Variants in SUSD6 observed in about 807,000 individuals in gnomAD.
SUSD6 encodes the protein sushi domain-containing protein 6.
Under a neutral mutation model 28.4 loss-of-function variants are expected in SUSD6, and 16 were observed. The observed-to-expected ratio is 0.56, with a 90% CI of 0.38 to 0.86. The LOEUF is 0.86. Ranked by LOEUF, SUSD6 falls within the 40% of genes least tolerant of loss-of-function variation. SUSD6 has a pLI of 0.00. For missense variants in SUSD6, 341 were observed against 384.2 expected (o/e 0.89, Z 0.94); for synonymous variants, 147 against 159.6 (o/e 0.92, Z 0.59).
chr14:69,714,161 C>T lies in SUSD6; in HGVS notation c.*3182C>T, dbSNP rs113304046. The T allele has an allele frequency of 8.6e-4, 131 of 152,260 alleles. No homozygotes were observed. The highest frequency in any genetic ancestry group is 3.0e-3 in the African/African-American group (125 of 41,540). The allele number at this position is 152,260 out of a possible 1,614,324, so 9.4% of individuals were successfully genotyped here. ...ACTCCATTTGCAAACAGATCTTAAG[C>T]TAATATTTTCTTTCCCATTCATCTT... On this transcript the variant is annotated 3_prime_UTR_variant, in exon 6 of 6. Coordinates refer to ENST00000342745, the MANE Select transcript of SUSD6 (RefSeq NM_014734.4).
chr14:69,673,744 C>G (rs911667263), intron 2 of SUSD6, among the ~76,000 whole-genome samples: 1 of 151,828 alleles, frequency 6.6e-6, no homozygotes, highest in African/African-American at 2.4e-5. Flanking sequence ...TTTCGGATGC[C>G]TTTCCTCAGT....
chr14:69,704,817 G>A (rs1886364824), intron 4 of SUSD6, 75 bp downstream of exon 4: 2 of 1,518,874 alleles, frequency 1.3e-6, no homozygotes, highest in Admixed American at 1.8e-5. Flanking sequence ...TTGGTGGAGG[G>A]TTGCTGGTGG....
At chr14:69,657,172 G>A (rs1885595680) in intron 1 of SUSD6, among the ~76,000 whole-genome samples, 1 of 152,120 alleles carries the variant, frequency 6.6e-6, no homozygotes, top group Non-Finnish European at 1.5e-5. Context: ...AATCAGATTT[G>A]GTACCAGGTG....
rs571964347 is a variant in SUSD6, at chr14:69,710,393, C to A, written c.887-561C>A. On this transcript the variant is annotated intron_variant, in intron 5 of 5. Transcript: ENST00000342745. ...TTGGGAAGATGGTGGGGCCTATACT[C>A]AAGAAATAATAGAACCAGGAATTGT... Among the ~76,000 whole-genome samples the A allele has an allele frequency of 2.0e-5, 3 of 152,116 alleles. No individual in the cohort carries two copies. In the East Asian group the frequency reaches 5.8e-4, roughly 29 times the overall value.
chr14:69,669,226 G>C (rs568364347), intron 2 of SUSD6, among the ~76,000 whole-genome samples: 1 of 151,860 alleles, frequency 6.6e-6, no homozygotes, highest in Admixed American at 6.6e-5. Context: ...ACCATGCCTG[G>C]CTAATTTTTG....
chr14:69,672,902 T>C (rs116828350), intron 2 of SUSD6, among the ~76,000 whole-genome samples: 438 of 152,354 alleles, frequency 2.9e-3, no homozygotes, highest in African/African-American at 0.01. Context: ...GGTCCTGTTT[T>C]GTTCACAGTA....
At chr14:69,688,777 A>G (rs1886111996) in intron 2 of SUSD6, among the ~76,000 whole-genome samples, 1 of 152,190 alleles carries the variant, frequency 6.6e-6, no homozygotes, top group South Asian at 2.1e-4. Flanking sequence ...TTATATGGGC[A>G]GCTTCTTCAG....
intron 1 of SUSD6, among the ~76,000 whole-genome samples, chr14:69,652,592 A>T (rs900565343): frequency 2.0e-5 from 3 of 152,178 alleles, no homozygotes; most frequent in Admixed American, 6.5e-5. Flanking sequence ...ATAGTGTTTG[A>T]TAGTGTGAGA....
chr14:69,680,616 C>CT (rs1291298061), intron 2 of SUSD6, among the ~76,000 whole-genome samples: 2 of 152,180 alleles, frequency 1.3e-5, no homozygotes. Flanking sequence ...CTCATCTGTA[C>CT]TTTCAGCTTT....
chr14:69,658,776 A>G, intron 2 of SUSD6, 63 bp downstream of exon 2: 7 of 1,608,836 alleles, frequency 4.4e-6, no homozygotes, highest in Non-Finnish European at 5.1e-6. Flanking sequence ...GTTTCTCTCG[A>G]AGACTAGGAC....
chr14:69,615,865 G>A (rs1021401276), intron 1 of SUSD6: 2 of 152,174 alleles, frequency 1.3e-5, no homozygotes, highest in African/African-American at 4.8e-5. Flanking sequence ...AATTCACACA[G>A]TACTCCTGAA....
intron 2 of SUSD6, among the ~76,000 whole-genome samples, chr14:69,659,734 G>T (rs1885635518): frequency 1.3e-5 from 2 of 152,156 alleles, no homozygotes; most frequent in Non-Finnish European, 2.9e-5. Flanking sequence ...GGCCAGGCTG[G>T]TCTTGAATTC....
At chr14:69,658,774 C>T (rs1158330137) in intron 2 of SUSD6, 61 bp downstream of exon 2, 12 of 1,608,294 alleles carry the variant, frequency 7.5e-6, no homozygotes, top group East Asian at 2.2e-5. Flanking sequence ...TTGTTTCTCT[C>T]GAAGACTAGG....
intron 2 of SUSD6, among the ~76,000 whole-genome samples, chr14:69,671,981 AT>A (rs1258458929): frequency 6.6e-6 from 1 of 152,200 alleles, no homozygotes; most frequent in Non-Finnish European, 1.5e-5. Flanking sequence ...GTGAGATAAT[AT>A]ATGTAAAAGT....
At chr14:69,647,847 T>C (rs1380566871) in intron 1 of SUSD6, among the ~76,000 whole-genome samples, 2 of 152,070 alleles carry the variant, frequency 1.3e-5, no homozygotes, top group Non-Finnish European at 2.9e-5. Context: ...TAGTCGGGCT[T>C]GGTGGCGCAC....
chr14:69,644,179 AATG>A (rs1885393341), intron 1 of SUSD6, among the ~76,000 whole-genome samples: 1 of 152,172 alleles, frequency 6.6e-6, no homozygotes. Context: ...GTAGGTGCCC[AATG>A]TATGTGTTGA....
chr14:69,628,747 G>T (rs1885152227), intron 1 of SUSD6, among the ~76,000 whole-genome samples: 1 of 145,084 alleles, frequency 6.9e-6, no homozygotes, highest in Admixed American at 7.0e-5. Flanking sequence ...TTGAGACAGG[G>T]TATCACTCTG....
intron 1 of SUSD6, among the ~76,000 whole-genome samples, chr14:69,648,776 A>C (rs564804872): frequency 6.6e-6 from 1 of 152,198 alleles, no homozygotes; most frequent in Non-Finnish European, 1.5e-5. Flanking sequence ...CGGAATACCA[A>C]AATTTAGCTC....
Position 69,674,412 on chromosome 14 carries a change from C to T in SUSD6, c.121+15699C>T, listed in dbSNP as rs116426368. On this transcript the variant is annotated intron_variant, in intron 2 of 5. Coordinates refer to ENST00000342745, the MANE Select transcript of SUSD6 (RefSeq NM_014734.4). ...TTCCTTTGCCCTCCTCGCTTCCATC[C>T]TTCCTTCCCTGCTTCCTTTGTACTC... Among the ~76,000 whole-genome samples, 834 of 152,282 alleles carry T rather than the reference C, an allele frequency of 5.5e-3. 10 individuals carry two copies. Among genetic ancestry groups the T allele is most frequent in the African/African-American group, 0.019 (784 of 41,556 alleles).
Sources: gnomAD v4.1 joint callset for allele counts (sites outside exome capture counted in the v4.1 genomes callset) on GRCh38, gnomAD v4.1.1 for gene constraint, MANE v1.5 for transcripts, NCBI Gene and HGNC (gene_info 2026-07-23, HGNC 2026-07-21) for gene names.